The following ACAD11 variants were observed in gnomAD, a reference collection of about 807,000 sequenced individuals.
ACAD11 encodes acyl-CoA dehydrogenase family member 11, also known as acyl-Coenzyme A dehydrogenase family, member 11.
Under a neutral mutation model 102.2 loss-of-function variants are expected in ACAD11, and 83 were observed. The ratio of observed to expected loss-of-function variants is 0.81; its 90% CI spans 0.68 to 0.97. The LOEUF is 0.97. Among genes scored for constraint, ACAD11 ranks in the 50% least tolerant of loss-of-function variants. The probability of loss-of-function intolerance (pLI) is 0.00; values close to 1 mark genes in which losing one functional copy is unlikely to be tolerated. For missense variants in ACAD11, 901 were observed against 951.7 expected, an observed-to-expected ratio of 0.95 and a Z score of 0.70; for synonymous variants, 324 against 319.8, an observed-to-expected ratio of 1.01 and a Z score of -0.14.
chr3:132,594,649 G>C (rs546131132), intron 13 of ACAD11, among the ~76,000 whole-genome samples: 4 of 152,292 alleles, frequency 2.6e-5, no homozygotes, highest in African/African-American at 9.6e-5. Flanking sequence ...TAATCTGAAA[G>C]AGTTATGGAA....
intron 11 of ACAD11, among the ~76,000 whole-genome samples, chr3:132,606,178 G>T (rs983655054): frequency 6.6e-6 from 1 of 152,134 alleles, no homozygotes; most frequent in Non-Finnish European, 1.5e-5. Context: ...TGACTTTAAG[G>T]TTAGTTACTG....
At chr3:132,605,278 G>A (rs1345980119) in intron 11 of ACAD11, 73 bp from the exon 12 acceptor site, 2 of 1,069,240 alleles carry the variant, frequency 1.9e-6, no homozygotes, top group East Asian at 4.9e-5. Flanking sequence ...TTTATGTAGA[G>A]AGTATAGAAA....
intron 17 of ACAD11, among the ~76,000 whole-genome samples, chr3:132,564,383 A>G (rs1937150283): frequency 1.3e-5 from 2 of 152,210 alleles, no homozygotes; most frequent in South Asian, 4.1e-4. Context: ...CAGTAATACC[A>G]TCTGGGCCTG....
intron 13 of ACAD11, among the ~76,000 whole-genome samples, chr3:132,592,773 G>A (rs1232630079): frequency 1.3e-5 from 2 of 152,080 alleles, no homozygotes; most frequent in African/African-American, 4.8e-5. Context: ...ATTGGAGTAA[G>A]TACTATTTTA....
intron 19 of ACAD11, among the ~76,000 whole-genome samples, chr3:132,559,529 T>A (rs1936982703): frequency 6.6e-6 from 1 of 152,000 alleles, no homozygotes; most frequent in South Asian, 2.1e-4. Flanking sequence ...GTCATCAGGA[T>A]CTATATATTA....
intron 4 of ACAD11, among the ~76,000 whole-genome samples, chr3:132,640,289 C>A (rs955897034): frequency 3.4e-4 from 51 of 152,156 alleles, no homozygotes; most frequent in African/African-American, 1.2e-3. Context: ...GGAGTTTCAC[C>A]ATATTGGTCA....
chr3:132,630,683 T>G (rs1472184139), intron 6 of ACAD11, 125 bp from the exon 7 acceptor site: 2 of 764,240 alleles, frequency 2.6e-6, no homozygotes, highest in African/African-American at 3.6e-5. Flanking sequence ...CAACAAAACA[T>G]GTTCTAAATC....
At chr3:132,565,541 A>G (rs1487461653) in intron 17 of ACAD11, among the ~76,000 whole-genome samples, 1 of 152,244 alleles carries the variant, frequency 6.6e-6, no homozygotes, top group Non-Finnish European at 1.5e-5. Flanking sequence ...TCAGGTTTCA[A>G]TTTTATAAAT....
chr3:132,597,895 A>C (rs1938385764), intron 13 of ACAD11, among the ~76,000 whole-genome samples: 1 of 152,224 alleles, frequency 6.6e-6, no homozygotes, highest in East Asian at 1.9e-4. Context: ...AGACCAGAGT[A>C]GTCTTCCAGA....
At chr3:132,575,001 ATTTTTTTTGT>A (rs962313157) in intron 17 of ACAD11, among the ~76,000 whole-genome samples, 3 of 150,482 alleles carry the variant, frequency 2.0e-5, no homozygotes, top group Non-Finnish European at 4.4e-5. Flanking sequence ...TGCCTGGTTA[ATTTTTTTTGT>A]TTTTTTTTGT....
In ACAD11 at chr3:132,626,765, G is replaced by T; in HGVS notation, c.1123C>A (p.Gln375Lys). Residue 375 changes from glutamine (Q) to lysine (K), a missense_variant, in exon 9 of 20, where the codon CAG becomes AAG. Physicochemically the swap from Gln to Lys is moderately conservative, Grantham distance 53. Coordinates refer to ENST00000264990, the MANE Select transcript of ACAD11 (RefSeq NM_032169.5). ...AGAACTTCCTGACCTTTCCGAGTCT[G>T]TACAAACAACTGTCCAGTAGTATCA... is the stretch of plus-strand genomic sequence containing the variant. ...QIDTTGQLFVQTRKGQEVLIK... is the reference protein window; with the variant it reads ...QIDTTGQLFVKTRKGQEVLIK... The T allele has an allele frequency of 6.2e-7, 1 of 1,613,720 alleles. No homozygotes were observed. The highest frequency in any genetic ancestry group is 8.5e-7 in the Non-Finnish European group (1 of 1,179,924).
At chr3:132,588,931 C>A (rs931684329) in intron 13 of ACAD11, among the ~76,000 whole-genome samples, 9 of 151,976 alleles carry the variant, frequency 5.9e-5, no homozygotes, top group African/African-American at 1.9e-4. Flanking sequence ...TATATGTCAC[C>A]CCCTAGAAGT....
chr3:132,626,877 T>C lies in ACAD11; in HGVS notation c.1071-60A>G. 5 of 1,516,640 alleles carry C rather than the reference T, an allele frequency of 3.3e-6. No homozygotes were observed. The South Asian group carries it at 5.1e-5, about 16-fold the overall frequency. 93.9% of individuals were successfully genotyped at this position (1,516,640 alleles called of 1,614,324 possible). A position where few individuals can be genotyped will look rare whatever the true frequency, so the allele number is the denominator to read the frequency against. ...AAGATGTCCAAAGATCATTATTACATATTTCTAATATAATGTGAAGTTTCC... is the reference window on the plus strand; with the variant it reads ...AAGATGTCCAAAGATCATTATTACACATTTCTAATATAATGTGAAGTTTCC... On this transcript the variant is annotated intron_variant, in intron 8 of 19. Transcript: ENST00000264990.
intron 13 of ACAD11, chr3:132,601,139 G>C (rs776074050): frequency 1.2e-6 from 2 of 1,607,018 alleles, no homozygotes; most frequent in African/African-American, 2.7e-5. Context: ...AGTCGTTATA[G>C]TTTTCATTGT....
intron 6 of ACAD11, among the ~76,000 whole-genome samples, chr3:132,631,057 C>T (rs1196055561): frequency 6.6e-6 from 1 of 152,044 alleles, no homozygotes; most frequent in East Asian, 1.9e-4. Flanking sequence ...GGTGACAGAG[C>T]AAGACCTTGC....
intron 8 of ACAD11, among the ~76,000 whole-genome samples, 200 bp downstream of exon 8, chr3:132,628,140 C>T (rs761708906): frequency 2.6e-5 from 4 of 152,100 alleles, no homozygotes; most frequent in Admixed American, 6.5e-5. Flanking sequence ...TACTTTTAAA[C>T]CTAAATACGG....
intron 1 of ACAD11, among the ~76,000 whole-genome samples, chr3:132,652,371 T>G (rs2107902145): frequency 6.6e-6 from 1 of 152,336 alleles, no homozygotes; most frequent in South Asian, 2.1e-4. Context: ...CTCTTTCCTT[T>G]ATAAATTACC....
At chr3:132,582,635 C>T (rs1276953555) in intron 13 of ACAD11, among the ~76,000 whole-genome samples, 1 of 139,910 alleles carries the variant, frequency 7.1e-6, no homozygotes, top group East Asian at 2.4e-4. Flanking sequence ...TAATACATAA[C>T]TCCAGAAATC....
chr3:132,644,015 CT>C (rs1007995426), intron 2 of ACAD11, among the ~76,000 whole-genome samples: 8 of 152,042 alleles, frequency 5.3e-5, no homozygotes, highest in African/African-American at 1.4e-4. Context: ...AGTTACCCAA[CT>C]TTTTTTTATC....
Sources: gnomAD v4.1 joint callset for allele counts (sites outside exome capture counted in the v4.1 genomes callset) on GRCh38, gnomAD v4.1.1 for gene constraint, MANE v1.5 for transcripts, NCBI Gene and HGNC (gene_info 2026-07-23, HGNC 2026-07-21) for gene names.